NLRP5: variants seen among roughly 807,000 people sequenced by gnomAD.
NLRP5 encodes NACHT, LRR and PYD domains-containing protein 5.
A neutral mutation model predicts 113.1 loss-of-function variants in NLRP5; 93 were observed. The observed-to-expected ratio is 0.82, with a 90% CI of 0.70 to 0.98. NLRP5 has a LOEUF of 0.98. Ranked by LOEUF, NLRP5 falls within the 50% of genes least tolerant of loss-of-function variation. NLRP5 has a pLI of 0.00. For synonymous variants in NLRP5, 751 were observed against 600.7 expected (o/e 1.25, Z -3.66); for missense variants, 1,808 against 1,514.3 (o/e 1.19, Z -3.22).
Position 56,055,537 on chromosome 19 carries a change from C to CTTTTTTTTTTTTTTTTTTTT in NLRP5, c.3299+1736_3299+1755dup, listed in dbSNP as rs1160965587. Among the ~76,000 whole-genome samples the CTTTTTTTTTTTTTTTTTTTT allele has an allele frequency of 1.4e-4, 11 of 76,456 alleles. 4 individuals are homozygous for CTTTTTTTTTTTTTTTTTTTT. Among genetic ancestry groups the CTTTTTTTTTTTTTTTTTTTT allele is most frequent in the Non-Finnish European group, 1.4e-4 (6 of 42,286 alleles). 50.2% of individuals were successfully genotyped at this position (76,456 alleles called of 152,430 possible). A position where few individuals can be genotyped will look rare whatever the true frequency, so the allele number is the denominator to read the frequency against. ...CCATGTTCTATTTTTCTTTCTCTGT[C>CTTTTTTTTTTTTTTTTTTTT]TTTTTTTTTTTTTTTTTTTTTTTTT... On this transcript the variant is annotated intron_variant, in intron 13 of 14. Transcript: ENST00000390649.
chr19:55,988,532 A>C, the NLRP5 span: 1 of 149,782 alleles, frequency 6.7e-6, no homozygotes. Context: ...CAAAGTCTTC[A>C]TCGTCTTCTT....
At chr19:56,014,229 C>T (rs1982319419) in intron 3 of NLRP5, among the ~76,000 whole-genome samples, 1 of 152,034 alleles carries the variant, frequency 6.6e-6, no homozygotes. Flanking sequence ...CACCTGTAAT[C>T]CCAGCACTTT....
At chr19:56,002,790 T>C (rs1981707487) in intron 1 of NLRP5, among the ~76,000 whole-genome samples, 1 of 151,846 alleles carries the variant, frequency 6.6e-6, no homozygotes. Flanking sequence ...ACAAAGGACA[T>C]GAACTCATCC....
chr19:56,025,062 C>A (rs1272472888), intron 6 of NLRP5, among the ~76,000 whole-genome samples: 1 of 151,750 alleles, frequency 6.6e-6, no homozygotes, highest in Admixed American at 6.6e-5. Flanking sequence ...TTATGAGAAT[C>A]TAATGCCTGA....
intron 6 of NLRP5, among the ~76,000 whole-genome samples, chr19:56,021,086 G>A (rs898050154): frequency 4.0e-5 from 6 of 151,828 alleles, no homozygotes; most frequent in African/African-American, 9.7e-5. Flanking sequence ...TGGCCAGGTC[G>A]GTCTCGCACT....
At chr19:55,998,924 T>A (rs933355551), upstream of NLRP5, among the ~76,000 whole-genome samples, 2 of 151,530 alleles carry the variant, frequency 1.3e-5, no homozygotes, top group Non-Finnish European at 2.9e-5. Flanking sequence ...GGTGAGGATG[T>A]TTAAAATCTA....
intron 3 of NLRP5, among the ~76,000 whole-genome samples, chr19:56,010,756 G>T (rs1460214998): frequency 2.1e-4 from 2 of 9,590 alleles, no homozygotes; most frequent in Non-Finnish European, 2.7e-4. Flanking sequence ...AAAAAAAAAA[G>T]TCCCTTGAAA....
At chr19:56,055,093 G>A (rs952679477) in intron 13 of NLRP5, among the ~76,000 whole-genome samples, 3 of 145,158 alleles carry the variant, frequency 2.1e-5, no homozygotes, top group Admixed American at 7.1e-5. Flanking sequence ...TCCGCCTTCC[G>A]AGTTCAAGCC....
At chr19:56,061,271 G>A (rs1205405513) in intron 14 of NLRP5, 125 bp from the exon 15 acceptor site, 3 of 944,750 alleles carry the variant, frequency 3.2e-6, no homozygotes, top group Non-Finnish European at 4.6e-6. Flanking sequence ...TTAACTCTTT[G>A]GGGCACGTTC....
intron 2 of NLRP5, among the ~76,000 whole-genome samples, chr19:56,008,397 G>A (rs1038710236): frequency 6.6e-6 from 1 of 152,112 alleles, no homozygotes; most frequent in Admixed American, 6.5e-5. Flanking sequence ...CTTGGACCTT[G>A]TAAGTTGTTG....
At chr19:56,035,574 AG>A (rs766049729) in intron 9 of NLRP5, among the ~76,000 whole-genome samples, 3 of 152,238 alleles carry the variant, frequency 2.0e-5, no homozygotes, top group Non-Finnish European at 4.4e-5. Flanking sequence ...TTTGGGGCCA[AG>A]GAAGGAAAAA....
chr19:56,015,726 C>T lies in NLRP5; in HGVS notation c.509-16C>T, dbSNP rs1433400851. 1.3e-6 allele frequency: 2 copies of T among 1,556,024 alleles called. No individual in the cohort carries two copies. Among genetic ancestry groups the T allele is most frequent in the East Asian group, 4.7e-5 (2 of 42,462 alleles). The stretch of plus-strand genomic sequence containing the variant: ...ACAGTATGTTTGTGTTTATTCTTCT[C>T]CCTTCTCTTTTGCAGGAATTTCACA... On this transcript the variant is annotated splice_polypyrimidine_tract_variant and intron_variant, in intron 3 of 14. Transcript: ENST00000390649.
chr19:55,988,497 T>C, the NLRP5 span: 2 of 147,606 alleles, frequency 1.4e-5, no homozygotes, highest in African/African-American at 2.5e-5. Flanking sequence ...TGAAATGCTT[T>C]GAGTCACCTA....
At chr19:56,019,081 C>T (rs534342060) in intron 4 of NLRP5, among the ~76,000 whole-genome samples, 7 of 152,254 alleles carry the variant, frequency 4.6e-5, no homozygotes, top group South Asian at 4.1e-4. Flanking sequence ...CAGGTGCGAA[C>T]GACCACGCCC....
At chr19:56,007,888 TGCGCGTGC>T (rs1241388352) in intron 2 of NLRP5, among the ~76,000 whole-genome samples, 3 of 67,990 alleles carry the variant, frequency 4.4e-5, no homozygotes, top group South Asian at 5.0e-4. Context: ...TGTGTGTGTG[TGCGCGTGC>T]GCGCGTGCGT....
chr19:56,024,547 A>G (rs1000909803), intron 6 of NLRP5, among the ~76,000 whole-genome samples: 1 of 146,314 alleles, frequency 6.8e-6, no homozygotes, highest in Non-Finnish European at 1.5e-5. Context: ...ATATGTATGT[A>G]TATGTGTATA....
At chr19:56,044,556 TTC>T (rs1983651297) in intron 11 of NLRP5, among the ~76,000 whole-genome samples, 1 of 152,222 alleles carries the variant, frequency 6.6e-6, no homozygotes, top group Non-Finnish European at 1.5e-5. Context: ...GGGTTCTCTA[TTC>T]TGTTTCGTTG....
intron 4 of NLRP5, among the ~76,000 whole-genome samples, chr19:56,018,440 C>T (rs933340197): frequency 8.5e-5 from 13 of 152,272 alleles, no homozygotes; most frequent in African/African-American, 2.4e-4. Context: ...TATTACTCTA[C>T]CAAATCATCT....
chr19:56,014,332 C>T (rs1430750237), intron 3 of NLRP5, among the ~76,000 whole-genome samples: 2 of 151,950 alleles, frequency 1.3e-5, no homozygotes, highest in Non-Finnish European at 1.5e-5. Flanking sequence ...ACAAAAAAAT[C>T]CACCAGGCAT....
Sources: allele counts gnomAD v4.1 joint callset (sites outside exome capture counted in the v4.1 genomes callset), GRCh38; gene constraint gnomAD v4.1.1; transcripts MANE v1.5; gene names NCBI Gene and HGNC (gene_info 2026-07-23, HGNC 2026-07-21).